MMRN1: variants seen among roughly 807,000 people sequenced by gnomAD.
MMRN1 encodes multimerin-1.
In MMRN1, 94 loss-of-function variants were observed where a neutral mutation model predicts 100.7. That is an observed-to-expected ratio of 0.93 (90% confidence interval 0.79 to 1.11). The LOEUF (loss-of-function observed/expected upper bound fraction) is 1.11, where lower values mean the gene tolerates loss of function less well. Among genes scored for constraint, MMRN1 ranks in the 50% least tolerant of loss-of-function variants. MMRN1 has a pLI of 0.00. For missense variants in MMRN1, 1,606 were observed against 1,439.1 expected (o/e 1.12, Z -1.88); for synonymous variants, 575 against 505.0 (o/e 1.14, Z -1.86).
intron 1 of MMRN1, among the ~76,000 whole-genome samples, chr4:89,897,558 T>C (rs968722576): frequency 1.3e-5 from 2 of 152,128 alleles, no homozygotes; most frequent in Non-Finnish European, 2.9e-5. Flanking sequence ...AAGAGACAAT[T>C]CAAGTTAAAA....
chr4:89,945,201 G>A (rs1309338812), intron 6 of MMRN1, among the ~76,000 whole-genome samples: 1 of 152,122 alleles, frequency 6.6e-6, no homozygotes, highest in African/African-American at 2.4e-5. Flanking sequence ...TTATTCATAA[G>A]TAGTGTATAG....
chr4:89,915,854 C>T (rs967559338), intron 3 of MMRN1, among the ~76,000 whole-genome samples: 7 of 151,592 alleles, frequency 4.6e-5, no homozygotes, highest in African/African-American at 1.2e-4. Context: ...CTGTACCTAT[C>T]GCTTAGAAGG....
At chr4:89,926,515 A>G (rs1444566262) in intron 4 of MMRN1, among the ~76,000 whole-genome samples, 1 of 151,830 alleles carries the variant, frequency 6.6e-6, no homozygotes, top group African/African-American at 2.4e-5. Context: ...CTTCTTTTAT[A>G]TTTTGATTAT....
chr4:89,942,177 T>C (rs1722851779), intron 6 of MMRN1, among the ~76,000 whole-genome samples: 1 of 152,126 alleles, frequency 6.6e-6, no homozygotes, highest in East Asian at 1.9e-4. Context: ...TGCATATGCT[T>C]GGGTTCTTTC....
intron 1 of MMRN1, among the ~76,000 whole-genome samples, chr4:89,889,803 T>C (rs2110573811): frequency 6.6e-6 from 1 of 152,180 alleles, no homozygotes; most frequent in Non-Finnish European, 1.5e-5. Flanking sequence ...ATTAAAACAC[T>C]ACTTTACAAT....
intron 3 of MMRN1, 126 bp from the exon 4 acceptor site, chr4:89,923,042 T>A: frequency 1.3e-6 from 1 of 745,162 alleles, no homozygotes; most frequent in Non-Finnish European, 2.3e-6. Context: ...TACTCTGCAA[T>A]CATCCCCGAC....
At chr4:89,883,307 T>C (rs1720861700) in intron 1 of MMRN1, among the ~76,000 whole-genome samples, 1 of 152,110 alleles carries the variant, frequency 6.6e-6, no homozygotes, top group South Asian at 2.1e-4. Context: ...AACTTTATAA[T>C]TGCTGCACAA....
At position 89,936,762 on chromosome 4, in the gene MMRN1, C is replaced by A; in HGVS notation, c.3082C>A (p.Arg1028=). 2.5e-6 allele frequency: 4 copies of A among 1,604,392 alleles called. No individual in the cohort carries two copies. Among genetic ancestry groups the A allele is most frequent in the Non-Finnish European group, 3.4e-6 (4 of 1,177,028 alleles). The change falls in exon 6 of 8, where the codon CGG becomes AGG. Residue 1028 remains arginine (R), a synonymous_variant. Transcript: ENST00000264790. The stretch of plus-strand genomic sequence containing the variant: ...AAATCTTACCACAGTCCTGATAGGC[C>A]GGACTCAAAGAAACACGGACAACAT... ...TVNLTTVLIG[R]TQRNTDNIIY...
intron 4 of MMRN1, among the ~76,000 whole-genome samples, chr4:89,924,905 T>C (rs1722200604): frequency 6.6e-6 from 1 of 152,104 alleles, no homozygotes; most frequent in African/African-American, 2.4e-5. Flanking sequence ...TTTTTGTGGG[T>C]ACATAGTAGG....
In MMRN1 at chr4:89,895,297, T is replaced by A. The variant is rs149924953; in HGVS notation, c.326T>A (p.Val109Glu). The change falls in exon 1 of 8, where the codon GTG becomes GAG. Residue 109 changes from valine to glutamate, a missense_variant. By Grantham distance (121) the Val-to-Glu change is moderately radical. Transcript: ENST00000264790. ...TLTSTEKAEG[V>E]VKLQNLTLPT... ...ACATCCACAGAGAAAGCAGAAGGAG[T>A]GGTCAAGTTACAGAATCTTACCCTC... 113 of 1,612,104 alleles carry A rather than the reference T, an allele frequency of 7.0e-5. No homozygotes were observed. In the East Asian group the frequency reaches 1.8e-3, roughly 26 times the overall value.
intron 1 of MMRN1, among the ~76,000 whole-genome samples, chr4:89,907,007 C>T (rs561717760): frequency 6.6e-6 from 1 of 151,516 alleles, no homozygotes; most frequent in South Asian, 2.1e-4. Flanking sequence ...TGTGTTGTTT[C>T]TGCCCCACAC....
intron 1 of MMRN1, among the ~76,000 whole-genome samples, chr4:89,904,994 G>A (rs1165139439): frequency 1.3e-5 from 2 of 151,344 alleles, no homozygotes; most frequent in Non-Finnish European, 3.0e-5. Context: ...TTTTTACTAA[G>A]TGATATTTTT....
intron 6 of MMRN1, among the ~76,000 whole-genome samples, chr4:89,941,629 G>A (rs537365519): frequency 6.6e-6 from 1 of 152,266 alleles, no homozygotes; most frequent in South Asian, 2.1e-4. Flanking sequence ...TGTACAAAGA[G>A]TCTGGGCATG....
upstream of MMRN1, among the ~76,000 whole-genome samples, chr4:89,894,414 CTG>C (rs934166514): frequency 6.9e-4 from 105 of 152,242 alleles, no homozygotes; most frequent in Admixed American, 2.4e-3. Flanking sequence ...GATAGAGACA[CTG>C]TAAACAAGCT....
intron 1 of MMRN1, among the ~76,000 whole-genome samples, chr4:89,900,504 G>T (rs1721349795): frequency 6.6e-6 from 1 of 151,990 alleles, no homozygotes; most frequent in Non-Finnish European, 1.5e-5. Flanking sequence ...GCTCTCACTT[G>T]CCATTCCTTA....
At position 89,935,705 on chromosome 4, in the gene MMRN1, G is replaced by T; in HGVS notation, c.2025G>T (p.Arg675Ser). The T allele has an allele frequency of 1.2e-6, 2 of 1,611,482 alleles. No homozygotes were observed. Among genetic ancestry groups the T allele is most frequent in the Non-Finnish European group, 1.7e-6 (2 of 1,179,262 alleles). ...AACCAAAGGAAGCAATAGTGATAAG[G>T]AAAAAGATAGAAAATCTGACTAGTG... ...YEQPKEAIVIRKKIENLTSAV... is the reference protein window; with the variant it reads ...YEQPKEAIVISKKIENLTSAV... The change falls in exon 6 of 8, where the codon AGG (arginine) becomes AGT (serine). Residue 675 changes from arginine (R) to serine (S), a missense_variant. Arg to Ser is a moderately radical substitution (Grantham distance 110). Coordinates refer to ENST00000264790, the MANE Select transcript of MMRN1 (RefSeq NM_007351.3).
intron 6 of MMRN1, among the ~76,000 whole-genome samples, chr4:89,937,147 C>A (rs1210571259): frequency 6.6e-6 from 1 of 152,044 alleles, no homozygotes; most frequent in Non-Finnish European, 1.5e-5. Context: ...ACCAGATTTA[C>A]TTATTTTGGC....
In MMRN1 at chr4:89,895,315, T is replaced by C. The variant is rs750773945; in HGVS notation, c.344T>C (p.Leu115Pro). 6 of 1,613,270 alleles carry C rather than the reference T, an allele frequency of 3.7e-6. No homozygotes were observed. Among genetic ancestry groups the C allele is most frequent in the Non-Finnish European group, 5.1e-6 (6 of 1,179,910 alleles). The change falls in exon 1 of 8, where the codon CTT (leucine) becomes CCT (proline). Residue 115 changes from leucine to proline, a missense_variant. Leu to Pro is a moderately conservative substitution (Grantham distance 98, BLOSUM62 -3). Coordinates refer to ENST00000264790, the MANE Select transcript of MMRN1 (RefSeq NM_007351.3). ...GAAGGAGTGGTCAAGTTACAGAATC[T>C]TACCCTCCCAACCAACGCTAGCATC... is the stretch of plus-strand genomic sequence containing the variant. Reference protein sequence around the residue: ...KAEGVVKLQNLTLPTNASIKF... With the variant: ...KAEGVVKLQNPTLPTNASIKF...
Position 89,936,693 on chromosome 4 carries a change from A to C in MMRN1, c.3013A>C (p.Lys1005Gln), listed in dbSNP as rs2110637480. 1 of 1,613,510 alleles carries C rather than the reference A, an allele frequency of 6.2e-7. No homozygotes were observed. The highest frequency in any genetic ancestry group is 2.2e-5 in the East Asian group (1 of 44,846). ...ANVVKSQKQV[K>Q]SLPKKINALK... ...TGTTGTCAAGTCTCAGAAGCAAGTA[A>C]AATCATTGCCAAAGAAAATTAACGC... Residue 1005 changes from lysine to glutamine, a missense_variant, in exon 6 of 8, where the codon AAA becomes CAA. Physicochemically the swap from Lys to Gln is moderately conservative, Grantham distance 53 (BLOSUM62 1). Transcript: ENST00000264790.
Sources: allele counts gnomAD v4.1 joint callset (sites outside exome capture counted in the v4.1 genomes callset), GRCh38; gene constraint gnomAD v4.1.1; transcripts MANE v1.5; gene names NCBI Gene and HGNC (gene_info 2026-07-23, HGNC 2026-07-21).